Variants in CFAP20DC observed in about 807,000 individuals in gnomAD.
CFAP20DC encodes CFAP20 domain containing.
CFAP20DC carries 84 observed loss-of-function variants against 101.7 expected under a neutral mutation model. The observed-to-expected ratio is 0.83, with a 90% CI of 0.69 to 0.99. CFAP20DC has a LOEUF of 0.99. Among genes scored for constraint, CFAP20DC ranks in the 50% least tolerant of loss-of-function variants. CFAP20DC has a pLI of 0.00. For missense variants in CFAP20DC, 1,007 were observed against 970.3 expected, an observed-to-expected ratio of 1.04 and a Z score of -0.50; for synonymous variants, 359 against 351.2, an observed-to-expected ratio of 1.02 and a Z score of -0.25.
chr3:58,814,042 T>A (rs1470018513), intron 14 of CFAP20DC, among the ~76,000 whole-genome samples: 2 of 151,896 alleles, frequency 1.3e-5, no homozygotes, highest in South Asian at 2.1e-4. Context: ...ATACTCCCAA[T>A]AACAAATTCA....
Position 58,795,905 on chromosome 3 carries a change from G to C in CFAP20DC, c.2237+10490C>G, listed in dbSNP as rs2073204118. ...GTGGAAGTCCCAGTGGCCCAAAAGA[G>C]ACCTGGTCAGAGAGGAGGCAGGTGT... On this transcript the variant is annotated intron_variant, in intron 15 of 16. Coordinates refer to ENST00000482387, the MANE Select transcript of CFAP20DC (RefSeq NM_001394063.1). This position sits in a 1 kb window ranked among gnomAD's most constrained non-coding sequence, Gnocchi z 4.2. Among the ~76,000 whole-genome samples the C allele has an allele frequency of 6.6e-6, 1 of 152,192 alleles. No homozygotes were observed. The highest frequency in any genetic ancestry group is 1.5e-5 in the Non-Finnish European group (1 of 68,028).
At position 58,861,549 on chromosome 3, in the gene CFAP20DC, T is replaced by A. The variant is rs1285852985; in HGVS notation, c.1593+2009A>T. 1 of 983,230 alleles carries A rather than the reference T, an allele frequency of 1.0e-6. No individual in the cohort carries two copies. Among genetic ancestry groups the A allele is most frequent in the Non-Finnish European group, 1.2e-6 (1 of 828,080 alleles). The allele number at this position is 983,230 out of a possible 1,614,324, so 60.9% of individuals were successfully genotyped here. A position where few individuals can be genotyped will look rare whatever the true frequency, so the allele number is the denominator to read the frequency against. On this transcript the variant is annotated intron_variant, in intron 12 of 16. Transcript: ENST00000482387. The surrounding 1 kb of genome is among the most constrained non-coding windows in gnomAD (Gnocchi z 4.0). ...ATTACCAAAAGTACAAAAGAAAAAATCCAATTTTGTTAAGAAGGTATCATT... is the reference window on the plus strand; with the variant it reads ...ATTACCAAAAGTACAAAAGAAAAAAACCAATTTTGTTAAGAAGGTATCATT...
chr3:58,769,077 C>A (rs1036064288), intron 15 of CFAP20DC, among the ~76,000 whole-genome samples: 2 of 152,206 alleles, frequency 1.3e-5, no homozygotes, highest in African/African-American at 4.8e-5. Context: ...GGGCAGTGGC[C>A]AGACCCAGAA....
rs2093294600 is a variant in CFAP20DC, at chr3:59,001,023, T to G, written c.278+38534A>C. On this transcript the variant is annotated intron_variant, in intron 4 of 16. Coordinates refer to ENST00000482387, the MANE Select transcript of CFAP20DC (RefSeq NM_001394063.1). This position sits in a 1 kb window ranked among gnomAD's most constrained non-coding sequence, Gnocchi z 4.5. ...TGATGAAAAATAAGAATTAACTTAT[T>G]AATTCCAAGAAGCTTAAAAAAAATT... Among the ~76,000 whole-genome samples the G allele has an allele frequency of 6.6e-6, 1 of 152,048 alleles. No individual in the cohort carries two copies. Among genetic ancestry groups the G allele is most frequent in the Non-Finnish European group, 1.5e-5 (1 of 68,010 alleles).
intron 14 of CFAP20DC, among the ~76,000 whole-genome samples, chr3:58,807,539 AG>A (rs1463451077): frequency 6.6e-6 from 1 of 152,250 alleles, no homozygotes; most frequent in Non-Finnish European, 1.5e-5. Flanking sequence ...ACAAACAGAA[AG>A]GACATCCATA....
At chr3:58,765,489 C>CAAA (rs1559559556) in intron 15 of CFAP20DC, among the ~76,000 whole-genome samples, 1 of 108,734 alleles carries the variant, frequency 9.2e-6, no homozygotes, top group African/African-American at 3.7e-5. Context: ...AAAAAAAAAA[C>CAAA]CAAAAAAAAA....
intron 15 of CFAP20DC, among the ~76,000 whole-genome samples, chr3:58,792,559 T>C (rs1318151010): frequency 1.3e-5 from 2 of 152,086 alleles, no homozygotes; most frequent in African/African-American, 2.4e-5. Flanking sequence ...TTTACTTATA[T>C]AAAAATATAA....
chr3:58,983,433 A>G (rs2092649282), intron 4 of CFAP20DC, among the ~76,000 whole-genome samples: 1 of 152,174 alleles, frequency 6.6e-6, no homozygotes, highest in South Asian at 2.1e-4. Context: ...GTTTTTTTAA[A>G]GCACGAAAAC....
chr3:58,930,947 C>T (rs1285885473), intron 5 of CFAP20DC, among the ~76,000 whole-genome samples: 4 of 152,132 alleles, frequency 2.6e-5, no homozygotes, highest in South Asian at 2.1e-4. Context: ...GCACTGTGAG[C>T]GAGCCGAAGC....
intron 3 of CFAP20DC, among the ~76,000 whole-genome samples, chr3:59,045,874 G>A (rs1699812542): frequency 6.6e-6 from 1 of 151,976 alleles, no homozygotes; most frequent in Admixed American, 6.6e-5. Flanking sequence ...ATTTGTAAAA[G>A]AGCTATTAGG....
intron 14 of CFAP20DC, among the ~76,000 whole-genome samples, chr3:58,823,199 T>C (rs1465231499): frequency 6.6e-6 from 1 of 152,156 alleles, no homozygotes; most frequent in Non-Finnish European, 1.5e-5. Flanking sequence ...TAATCTGTCT[T>C]TTGTTGCAAC....
intron 4 of CFAP20DC, among the ~76,000 whole-genome samples, chr3:59,031,891 C>T (rs1824842): frequency 0.24 from 36,020 of 152,064 alleles, 4,867 homozygotes; most frequent in African/African-American, 0.37. Context: ...AATCATCTTT[C>T]AAGAGGTGGC....
intron 15 of CFAP20DC, among the ~76,000 whole-genome samples, chr3:58,775,894 C>T (rs2071295060): frequency 6.6e-6 from 1 of 151,942 alleles, no homozygotes; most frequent in South Asian, 2.1e-4. Flanking sequence ...TACAGGCATG[C>T]ACCACCATGC....
rs1292044418 is a variant in CFAP20DC, at chr3:58,821,139, C to T, written c.2175+10547G>A. On this transcript the variant is annotated intron_variant, in intron 14 of 16. Transcript: ENST00000482387. ...CCTTCCTTACACCTTATATAAAAAT[C>T]AATTCAAGATGGATTAAAGATTTAA... Among the ~76,000 whole-genome samples, 999 of 151,830 alleles carry T rather than the reference C, an allele frequency of 6.6e-3. 23 individuals carry two copies. Among genetic ancestry groups the T allele is most frequent in the African/African-American group, 0.023 (970 of 41,392 alleles).
chr3:59,044,041 T>A (rs1699646351), intron 3 of CFAP20DC, among the ~76,000 whole-genome samples: 1 of 152,142 alleles, frequency 6.6e-6, no homozygotes, highest in Non-Finnish European at 1.5e-5. Context: ...GTGTTTGAGA[T>A]CCTCAAATAC....
At chr3:59,039,494 C>T (rs1416223179) in intron 4 of CFAP20DC, 63 bp downstream of exon 4, 3 of 974,282 alleles carry the variant, frequency 3.1e-6, no homozygotes, top group Non-Finnish European at 4.6e-6. Context: ...ATTGTTGGTA[C>T]TGCTTCAATT....
chr3:58,951,149 T>A (rs554668733), intron 4 of CFAP20DC, among the ~76,000 whole-genome samples: 4 of 152,182 alleles, frequency 2.6e-5, no homozygotes, highest in Non-Finnish European at 5.9e-5. Flanking sequence ...AAAAGACACA[T>A]GAAAAAATGC....
At chr3:58,969,399 A>C (rs1362132887) in intron 4 of CFAP20DC, among the ~76,000 whole-genome samples, 1 of 152,200 alleles carries the variant, frequency 6.6e-6, no homozygotes, top group East Asian at 1.9e-4. Context: ...GGAATATTAA[A>C]CGATACAGCC....
rs573076268 is a variant in CFAP20DC at position 58,773,175 on chromosome 3, AAC to A, written c.2238-19314_2238-19313del. ...TAGGTGTTAGATTGGTCCCTTGACC[AAC>A]TAAGGAGAGAGTGAAGTGGGTTTTC... is the stretch of plus-strand genomic sequence containing the variant. On this transcript the variant is annotated intron_variant, in intron 15 of 16. Transcript: ENST00000482387. 1.1e-4 allele frequency among the ~76,000 whole-genome samples: 16 copies of A among 152,172 alleles called. No individual in the cohort carries two copies. In the East Asian group the frequency reaches 2.7e-3, roughly 26 times the overall value.
Sources: gnomAD v4.1 joint callset for allele counts (sites outside exome capture counted in the v4.1 genomes callset) on GRCh38, gnomAD v4.1.1 for gene constraint, Gnocchi (gnomAD v3.1) non-coding constraint, MANE v1.5 for transcripts, NCBI Gene and HGNC (gene_info 2026-07-23, HGNC 2026-07-21) for gene names.